GALNT13: variants seen among roughly 807,000 people sequenced by gnomAD.
The protein encoded by GALNT13 is polypeptide N-acetylgalactosaminyltransferase 13.
Under a neutral mutation model 64.2 loss-of-function variants are expected in GALNT13, and 28 were observed. The observed-to-expected ratio is 0.44, with a 90% CI of 0.32 to 0.60. The LOEUF (loss-of-function observed/expected upper bound fraction) is 0.60. Ranked by LOEUF, GALNT13 falls within the 20% of genes least tolerant of loss-of-function variation. The pLI, the probability that GALNT13 is intolerant of heterozygous loss-of-function variation, is 0.05. For missense variants in GALNT13, 577 were observed against 669.8 expected, an observed-to-expected ratio of 0.86 and a Z score of 1.53; for synonymous variants, 214 against 224.6, an observed-to-expected ratio of 0.95 and a Z score of 0.42.
chr2:153,737,555 CTTATGT>C, the GALNT13 span, among the ~76,000 whole-genome samples: 1 of 151,980 alleles, frequency 6.6e-6, no homozygotes, highest in African/African-American at 2.4e-5. Flanking sequence ...TTCTTCCTTA[CTTATGT>C]TTATCTACCC....
chr2:153,990,624 A>C lies in GALNT13; in HGVS notation c.142+45985A>C, dbSNP rs534217016. Among the ~76,000 whole-genome samples the C allele has an allele frequency of 2.6e-5, 4 of 152,268 alleles. No homozygotes were observed. In the South Asian group the frequency reaches 8.3e-4, roughly 32 times the overall value. Reference sequence around the variant, plus strand: ...TGTTTCAGAGTCTGGCATAACATTCATTACATTGAGTGGGGCTCTGTGACT... The same window carrying C: ...TGTTTCAGAGTCTGGCATAACATTCCTTACATTGAGTGGGGCTCTGTGACT... On this transcript the variant is annotated intron_variant, in intron 3 of 12. Coordinates refer to ENST00000392825, the MANE Select transcript of GALNT13 (RefSeq NM_052917.4).
the GALNT13 span, among the ~76,000 whole-genome samples, chr2:153,138,111 A>T: frequency 6.6e-6 from 1 of 152,046 alleles, no homozygotes; most frequent in African/African-American, 2.4e-5. Flanking sequence ...TATCATCCCT[A>T]TTTACAGATG....
At chr2:154,095,483 G>T (rs1183925827) in intron 3 of GALNT13, among the ~76,000 whole-genome samples, 1 of 151,832 alleles carries the variant, frequency 6.6e-6, no homozygotes, top group Non-Finnish European at 1.5e-5. Flanking sequence ...ACAAAGAAAG[G>T]TCAAGAACCC....
intron 12 of GALNT13, among the ~76,000 whole-genome samples, chr2:154,444,929 A>G (rs1701489926): frequency 6.6e-6 from 1 of 152,016 alleles, no homozygotes; most frequent in Admixed American, 6.6e-5. Flanking sequence ...AATGCCCACA[A>G]CATGAATAAA....
At chr2:153,972,356 A>T (rs1469304611) in intron 3 of GALNT13, among the ~76,000 whole-genome samples, 1 of 152,116 alleles carries the variant, frequency 6.6e-6, no homozygotes, top group Non-Finnish European at 1.5e-5. Context: ...TATTGATGTG[A>T]CACTAAGAAC....
the GALNT13 span, among the ~76,000 whole-genome samples, chr2:153,435,283 T>C: frequency 1.3e-5 from 2 of 152,224 alleles, no homozygotes; most frequent in African/African-American, 2.4e-5. Context: ...CTTTGTTCTT[T>C]TGGCTTAGGA....
At chr2:153,222,970 C>CGGTGAG in the GALNT13 span, among the ~76,000 whole-genome samples, 7 of 152,192 alleles carry the variant, frequency 4.6e-5, no homozygotes, top group Non-Finnish European at 1.0e-4. Flanking sequence ...CCCCCTGACT[C>CGGTGAG]GGTGAGGGGG....
chr2:153,949,161 G>A (rs1289421637), intron 3 of GALNT13, among the ~76,000 whole-genome samples: 1 of 152,056 alleles, frequency 6.6e-6, no homozygotes, highest in Non-Finnish European at 1.5e-5. Flanking sequence ...GCCTAAGTGT[G>A]CAGTAGGCTA....
the GALNT13 span, among the ~76,000 whole-genome samples, chr2:153,590,671 T>C: frequency 1.3e-5 from 2 of 152,140 alleles, no homozygotes; most frequent in Admixed American, 6.5e-5. Flanking sequence ...GTTAAACATA[T>C]GCAAATCAAT....
the GALNT13 span, among the ~76,000 whole-genome samples, chr2:153,460,843 T>A: frequency 6.6e-6 from 1 of 152,172 alleles, no homozygotes; most frequent in Non-Finnish European, 1.5e-5. Context: ...AGATACATCA[T>A]TTTAGGCAGC....
the GALNT13 span, among the ~76,000 whole-genome samples, chr2:153,614,626 A>C: frequency 6.6e-6 from 1 of 152,078 alleles, no homozygotes; most frequent in Admixed American, 6.6e-5. Flanking sequence ...CTACTTTCCT[A>C]TAGTTTTTGT....
At chr2:154,252,363 T>A (rs12613840) in intron 7 of GALNT13, among the ~76,000 whole-genome samples, 22,515 of 148,598 alleles carry the variant, frequency 0.15, 2,163 homozygotes, top group East Asian at 0.3. Context: ...TATTATTATT[T>A]TTTTTTTTTT....
the GALNT13 span, chr2:153,761,819 G>A: frequency 0.021 from 3,245 of 153,378 alleles, 56 homozygotes; most frequent in Non-Finnish European, 0.033. Flanking sequence ...GTGGATATTG[G>A]TTTTTGGAAA....
At chr2:154,133,135 T>C (rs1371804797) in intron 3 of GALNT13, among the ~76,000 whole-genome samples, 1 of 152,054 alleles carries the variant, frequency 6.6e-6, no homozygotes, top group Admixed American at 6.6e-5. Context: ...TAGGAAGAGA[T>C]TGTGAGCAAG....
chr2:153,916,128 G>GTTCC (rs150452834), intron 2 of GALNT13, among the ~76,000 whole-genome samples: 11,763 of 132,086 alleles, frequency 0.089, 1,348 homozygotes, highest in East Asian at 0.61. Context: ...TCCTTCCTTC[G>GTTCC]TTCCTTCCTT....
At chr2:154,349,215 C>T (rs866824115) in intron 9 of GALNT13, among the ~76,000 whole-genome samples, 2 of 152,156 alleles carry the variant, frequency 1.3e-5, no homozygotes, top group Non-Finnish European at 2.9e-5. Context: ...ATTTGATTAT[C>T]ATCATCATTA....
At chr2:154,054,053 A>G (rs1188841100) in intron 3 of GALNT13, among the ~76,000 whole-genome samples, 1 of 151,906 alleles carries the variant, frequency 6.6e-6, no homozygotes, top group African/African-American at 2.4e-5. Flanking sequence ...TACTCACAAT[A>G]TTTTCTTTTT....
intron 9 of GALNT13, among the ~76,000 whole-genome samples, chr2:154,371,205 A>T (rs1697667733): frequency 6.6e-6 from 1 of 152,118 alleles, no homozygotes; most frequent in Non-Finnish European, 1.5e-5. Flanking sequence ...ATGGAAAATG[A>T]CAACATATGC....
chr2:153,939,954 T>G (rs1013730807), intron 2 of GALNT13, among the ~76,000 whole-genome samples: 1 of 152,154 alleles, frequency 6.6e-6, no homozygotes, highest in Admixed American at 6.5e-5. Context: ...ATCATGACAA[T>G]GTAACTCTGA....
Sources: allele counts gnomAD v4.1 joint callset (sites outside exome capture counted in the v4.1 genomes callset), GRCh38; gene constraint gnomAD v4.1.1; transcripts MANE v1.5; gene names NCBI Gene and HGNC (gene_info 2026-07-23, HGNC 2026-07-21).